SHPRH: variants seen among roughly 807,000 people sequenced by gnomAD.
The protein encoded by SHPRH is E3 ubiquitin-protein ligase SHPRH.
SHPRH carries 106 observed loss-of-function variants against 202.5 expected under a neutral mutation model. The observed-to-expected ratio is 0.52, with a 90% CI of 0.45 to 0.62. The LOEUF is 0.62. Ranked by LOEUF, SHPRH falls within the 20% of genes least tolerant of loss-of-function variation. The pLI is 0.00. For missense variants in SHPRH, 1,710 were observed against 2,020.0 expected (o/e 0.85, Z 2.94); for synonymous variants, 729 against 686.0 (o/e 1.06, Z -0.98).
chr6:145,920,616 G>T (rs1784359741), intron 21 of SHPRH, among the ~76,000 whole-genome samples: 1 of 151,956 alleles, frequency 6.6e-6, no homozygotes, highest in Non-Finnish European at 1.5e-5. Context: ...CACCTGTAAA[G>T]CAGTACAATG....
At chr6:145,941,928 G>A in intron 9 of SHPRH, 54 bp from the exon 10 acceptor site, 2 of 1,586,282 alleles carry the variant, frequency 1.3e-6, no homozygotes, top group Non-Finnish European at 1.7e-6. Flanking sequence ...TAAAGGCAAT[G>A]AAATATTCAC....
chr6:145,948,391 C>A, intron 4 of SHPRH, 41 bp from the exon 5 acceptor site: 2 of 1,484,516 alleles, frequency 1.3e-6, no homozygotes, highest in African/African-American at 1.4e-5. Context: ...TTTTGTTTTC[C>A]CTTCAGTCAG....
intron 25 of SHPRH, chr6:145,904,064 C>T (rs1233728147): frequency 6.6e-6 from 1 of 152,066 alleles, no homozygotes; most frequent in Non-Finnish European, 1.5e-5. Flanking sequence ...GCATTCCTTA[C>T]ATTGTAAAAT....
chr6:145,870,004 ATTC>A (rs1272556147), intron 2 of SHPRH, among the ~76,000 whole-genome samples: 1 of 151,514 alleles, frequency 6.6e-6, no homozygotes, highest in Non-Finnish European at 1.5e-5. Flanking sequence ...TTATTTAGTT[ATTC>A]TTTGATTTTT....
At chr6:145,858,182 T>C in the SHPRH span, among the ~76,000 whole-genome samples, 2 of 152,100 alleles carry the variant, frequency 1.3e-5, no homozygotes, top group Non-Finnish European at 2.9e-5. Context: ...TCACCACACC[T>C]ACCATATAAT....
In SHPRH at chr6:145,943,416, A is replaced by T; in HGVS notation, c.1965T>A (p.Ser655=). The T allele has an allele frequency of 6.2e-7, 1 of 1,614,092 alleles. No individual in the cohort carries two copies. The highest frequency in any genetic ancestry group is 8.5e-7 in the Non-Finnish European group (1 of 1,179,974). Residue 655 remains serine, a synonymous_variant, in exon 9 of 30, where the codon TCT becomes TCA. Coordinates refer to ENST00000275233, the MANE Select transcript of SHPRH (RefSeq NM_001042683.3). ...PSNTMSPFNT[S]DYRFECICGE... ...CACATATACACTCAAAGCGGTAATC[A>T]GAGGTGTTAAAGGGACTCATGGTAT...
chr6:145,925,649 T>A (rs1250547770), intron 16 of SHPRH, among the ~76,000 whole-genome samples: 1 of 151,920 alleles, frequency 6.6e-6, no homozygotes, highest in Non-Finnish European at 1.5e-5. Flanking sequence ...TCTTTAATGT[T>A]TAACAACAGC....
intron 18 of SHPRH, 114 bp from the exon 19 acceptor site, chr6:145,922,950 T>TA: frequency 7.8e-7 from 1 of 1,289,390 alleles, no homozygotes; most frequent in South Asian, 1.8e-5. Context: ...TTGCTGTTTT[T>TA]TTTTTTTTTA....
chr6:145,954,772 T>TCAC lies in SHPRH; in HGVS notation c.548_550dup (p.Gly183dup). ...TAGCCACCCCAAATCTTCTAACATT[T>TCAC]CACCACTGAAGGATGACTCCACCAG... On this transcript the variant is annotated inframe_insertion, in exon 2 of 30. Transcript: ENST00000275233. The TCAC allele has an allele frequency of 6.2e-7, 1 of 1,613,344 alleles. No individual in the cohort carries two copies. The highest frequency in any genetic ancestry group is 8.5e-7 in the Non-Finnish European group (1 of 1,179,736).
intron 25 of SHPRH, chr6:145,904,589 C>G (rs1415961608): frequency 6.6e-6 from 1 of 152,226 alleles, no homozygotes; most frequent in Non-Finnish European, 1.5e-5. Flanking sequence ...TGACAGAAGT[C>G]AGAAGAAGAG....
At chr6:145,943,049 G>T in intron 9 of SHPRH, 94 bp downstream of exon 9, 1 of 1,394,324 alleles carries the variant, frequency 7.2e-7, no homozygotes. Context: ...AGTTAGTTTT[G>T]AGGATAAACC....
At chr6:145,948,800 TGA>T (rs1442989108) in intron 4 of SHPRH, among the ~76,000 whole-genome samples, 2 of 152,044 alleles carry the variant, frequency 1.3e-5, no homozygotes, top group African/African-American at 2.4e-5. Flanking sequence ...TCTACGGGTC[TGA>T]GAGTGGGAAG....
rs756509750 is a variant in SHPRH, at chr6:145,893,323, T to C, written c.4766A>G (p.Asn1589Ser). The C allele has an allele frequency of 6.2e-7, 1 of 1,605,942 alleles. No individual in the cohort carries two copies. Among genetic ancestry groups the C allele is most frequent in the South Asian group, 1.1e-5 (1 of 89,762 alleles). The change falls in exon 28 of 30, where the codon AAT (asparagine) becomes AGT (serine). Residue 1589 changes from asparagine to serine, a missense_variant. Physicochemically the swap from Asn to Ser is conservative, Grantham distance 46. Transcript: ENST00000275233. ...ILLLPLHTGS[N>S]GLTIIEATHV... ...AGTTGCTTCAATGATAGTTAATCCA[T>C]TAGAACCTGTGTGCAGGGGCAGCAG...
intron 23 of SHPRH, 136 bp from the exon 24 acceptor site, chr6:145,913,685 G>A (rs370213992): frequency 2.4e-5 from 14 of 595,716 alleles, no homozygotes; most frequent in African/African-American, 1.3e-4. Context: ...ATGACCCATC[G>A]ATCTCTATAT....
At chr6:145,890,078 GAAAGGAAAACAAA>G (rs1430473390) in intron 28 of SHPRH, among the ~76,000 whole-genome samples, 1 of 152,018 alleles carries the variant, frequency 6.6e-6, no homozygotes, top group Non-Finnish European at 1.5e-5. Flanking sequence ...TCTCCCATTT[GAAAGGAAAACAAA>G]AACCTCTCTT....
chr6:145,917,938 G>C, intron 23 of SHPRH, 193 bp downstream of exon 23: 1 of 420,910 alleles, frequency 2.4e-6, no homozygotes, highest in Non-Finnish European at 4.3e-6. Flanking sequence ...TATATCATCT[G>C]CATAATAAAT....
chr6:145,921,538 C>CA (rs1359408815), intron 20 of SHPRH, 146 bp from the exon 21 acceptor site: 33 of 689,608 alleles, frequency 4.8e-5, no homozygotes, highest in African/African-American at 3.0e-5. Context: ...TAAATTTGGC[C>CA]AGTTTTTTTT....
At chr6:145,924,877 C>T (rs777008566) in intron 16 of SHPRH, 31 bp from the exon 17 acceptor site, 24 of 1,536,402 alleles carry the variant, frequency 1.6e-5, no homozygotes, top group Non-Finnish European at 1.8e-6. Context: ...TAAACTTTCA[C>T]TCCCAATCTA....
At position 145,923,728 on chromosome 6, in the gene SHPRH, T is replaced by C. The variant is rs1013745452; in HGVS notation, c.3460A>G (p.Ile1154Val). Residue 1154 changes from isoleucine to valine, a missense_variant, in exon 18 of 30, where the codon ATT becomes GTT. Ile to Val is a conservative substitution (Grantham distance 29). Coordinates refer to ENST00000275233, the MANE Select transcript of SHPRH (RefSeq NM_001042683.3). ...NVIHRAIEFT[I>V]DEELVQRVRN... is the part of the protein sequence containing the mutation. ...ACTCGCTGAACTAGCTCCTCATCAA[T>C]AGTAAATTCTATTGCTCTGTGGATC... The C allele has an allele frequency of 3.1e-6, 5 of 1,611,902 alleles. No individual in the cohort carries two copies. The Admixed American group carries it at 5.0e-5, about 16-fold the overall frequency.
Sources: gnomAD v4.1 joint callset for allele counts (sites outside exome capture counted in the v4.1 genomes callset) on GRCh38, gnomAD v4.1.1 for gene constraint, MANE v1.5 for transcripts, NCBI Gene and HGNC (gene_info 2026-07-23, HGNC 2026-07-21) for gene names.